SLC26A9: variants seen among roughly 807,000 people sequenced by gnomAD.
SLC26A9 encodes anion transporter/exchanger protein 9.
Under a neutral mutation model 87.1 loss-of-function variants are expected in SLC26A9, and 46 were observed. The ratio of observed to expected loss-of-function variants is 0.53; its 90% CI spans 0.42 to 0.67. The LOEUF (loss-of-function observed/expected upper bound fraction) is 0.67, where lower values mean the gene tolerates loss of function less well. SLC26A9 is among the 30% of genes least tolerant of loss of function. The pLI, the probability that SLC26A9 is intolerant of heterozygous loss-of-function variation, is 0.00. For synonymous variants in SLC26A9, 437 were observed against 409.1 expected (o/e 1.07, Z -0.82); for missense variants, 927 against 1,018.3 (o/e 0.91, Z 1.22).
chr1:205,916,627 G>A (rs1658600991), intron 20 of SLC26A9, among the ~76,000 whole-genome samples: 1 of 152,128 alleles, frequency 6.6e-6, no homozygotes, highest in South Asian at 2.1e-4. Context: ...GTGGTGGATG[G>A]GACAGGTATT....
chr1:205,935,452 C>A (rs753070803), intron 2 of SLC26A9, among the ~76,000 whole-genome samples: 18 of 152,082 alleles, frequency 1.2e-4, no homozygotes, highest in Admixed American at 2.0e-4. Flanking sequence ...TGGGAGATGC[C>A]ATGCAGGGGT....
At chr1:205,931,152 C>A (rs1327282297) in intron 5 of SLC26A9, among the ~76,000 whole-genome samples, 3 of 152,178 alleles carry the variant, frequency 2.0e-5, no homozygotes, top group African/African-American at 2.4e-5. Context: ...CCTTTGCAAC[C>A]ATTTGCAGAA....
chr1:205,917,248 T>A (rs35694044), intron 20 of SLC26A9, 35 bp downstream of exon 20: 123,510 of 1,611,964 alleles, frequency 0.077, 5,245 homozygotes, highest in Middle Eastern at 0.14. Context: ...CTCTTCGCCC[T>A]GCTCCCACCC....
At position 205,917,285 on chromosome 1, in the gene SLC26A9, G is replaced by C; in HGVS notation, c.2326C>G (p.Gln776Glu). The C allele has an allele frequency of 6.2e-7, 1 of 1,613,798 alleles. No individual in the cohort carries two copies. ...CACAGCCCCTTCCCTCAGCTCACCT[G>C]CTCTAAGTCCCAGTAGCTGCGAATG... ...EDIRSYWDLEQEMFGSMFHAE... is the reference protein window; with the variant it reads ...EDIRSYWDLEEEMFGSMFHAE... Residue 776 changes from glutamine to glutamate, a missense_variant and splice_region_variant, in exon 20 of 21, where the codon CAG (glutamine) becomes GAG (glutamate). Coordinates refer to ENST00000367135, the MANE Select transcript of SLC26A9 (RefSeq NM_052934.4).
chr1:205,932,105 C>T (rs1369537278), intron 4 of SLC26A9, 70 bp from the exon 5 acceptor site: 11 of 1,577,660 alleles, frequency 7.0e-6, no homozygotes, highest in Non-Finnish European at 9.5e-6. Context: ...GAAAGGGGCC[C>T]AGGAATGCTT....
rs1219603145 is a variant in SLC26A9 at position 205,921,843 on chromosome 1, A to G, written c.1778T>C (p.Val593Ala). 1 of 1,604,708 alleles carries G rather than the reference A, an allele frequency of 6.2e-7. No homozygotes were observed. Reference sequence around the variant, plus strand: ...GTCCTGCTGCAGCTCCTGCAGGGAGACAGTCTGGAAGGGTGGGGACAGTGG... The same window carrying G: ...GTCCTGCTGCAGCTCCTGCAGGGAGGCAGTCTGGAAGGGTGGGGACAGTGG... ...RRSLFMKTKT[V>A]SLQELQQDFE... Residue 593 changes from valine to alanine, a missense_variant, in exon 17 of 21, where the codon GTC becomes GCC. Transcript: ENST00000367135.
chr1:205,939,852 T>C (rs963593409), intron 1 of SLC26A9, among the ~76,000 whole-genome samples: 3 of 152,122 alleles, frequency 2.0e-5, no homozygotes, highest in Non-Finnish European at 4.4e-5. Flanking sequence ...TGATAAGTGA[T>C]GTCAGCATCG....
chr1:205,924,778 T>A (rs762197969), intron 12 of SLC26A9: 2 of 334,196 alleles, frequency 6.0e-6, no homozygotes, highest in Non-Finnish European at 1.1e-5. Context: ...GGGTCAGATC[T>A]GTTTGGGTTC....
chr1:205,929,897 C>G lies in SLC26A9; in HGVS notation c.712G>C (p.Val238Leu). 6.3e-7 allele frequency: 1 copy of G among 1,591,502 alleles called. No homozygotes were observed. Among genetic ancestry groups the G allele is most frequent in the South Asian group, 1.1e-5 (1 of 89,916 alleles). ...GGGTGCATCCCCAGACTCACAAAGACGATGGACCCTGGGCCTGTGTAGGAG... is the reference window on the plus strand; with the variant it reads ...GGGTGCATCCCCAGACTCACAAAGAGGATGGACCCTGGGCCTGTGTAGGAG... ...IPSYTGPGSI[V>L]FTFIDICKNL... Residue 238 changes from valine (V) to leucine (L), a missense_variant, in exon 6 of 21, where the codon GTC becomes CTC. Transcript: ENST00000367135.
rs1404550047 is a variant in SLC26A9, at chr1:205,929,300, G to A, written c.774C>T (p.Phe258=). The change falls in exon 7 of 21, where the codon TTC becomes TTT. Residue 258 remains phenylalanine (F), a synonymous_variant. Transcript: ENST00000367135. ...LPHTNIASLI[F]ALISGAFLVL... ...CCAGGAAGGCACCGCTGATGAGAGC[G>A]AAGATGAGCGAGGCGATGTTGGTGT... 7 of 1,614,120 alleles carry A rather than the reference G, an allele frequency of 4.3e-6. No homozygotes were observed. Among genetic ancestry groups the A allele is most frequent in the East Asian group, 2.2e-5 (1 of 44,896 alleles).
chr1:205,928,952 G>T, intron 7 of SLC26A9, 43 bp from the exon 8 acceptor site: 1 of 1,608,826 alleles, frequency 6.2e-7, no homozygotes, highest in East Asian at 2.2e-5. Context: ...CCCTAAGGTG[G>T]GGCCAGGGCA....
chr1:205,921,987 TC>T, intron 16 of SLC26A9, 140 bp from the exon 17 acceptor site: 2 of 1,174,006 alleles, frequency 1.7e-6, no homozygotes, highest in African/African-American at 1.5e-5. Context: ...CCCTGAAAGC[TC>T]CACCAGAGAG....
intron 12 of SLC26A9, 100 bp from the exon 13 acceptor site, chr1:205,924,589 T>G: frequency 4.4e-6 from 4 of 902,472 alleles, no homozygotes; most frequent in Non-Finnish European, 6.8e-6. Context: ...TAGTACAACC[T>G]CAGAGCCTCT....
At chr1:205,941,675 C>G (rs897985261) in intron 1 of SLC26A9, among the ~76,000 whole-genome samples, 2 of 152,184 alleles carry the variant, frequency 1.3e-5, no homozygotes, top group African/African-American at 4.8e-5. Flanking sequence ...TATCTCCAGG[C>G]GAACTCTCCC....
intron 18 of SLC26A9, among the ~76,000 whole-genome samples, chr1:205,919,363 T>C (rs990767161): frequency 6.6e-6 from 1 of 152,092 alleles, no homozygotes; most frequent in African/African-American, 2.4e-5. Flanking sequence ...GCATTGGAAG[T>C]TTGTGTGGAT....
chr1:205,928,062 C>G lies in SLC26A9; in HGVS notation c.954-13G>C. 1 of 1,612,552 alleles carries G rather than the reference C, an allele frequency of 6.2e-7. No individual in the cohort carries two copies. The highest frequency in any genetic ancestry group is 1.1e-5 in the South Asian group (1 of 90,888). ...CGGGGTGGGGAACCTGCCGAGGAGC[C>G]AGGAAGGAGGCAGAACCCAAGGGTG... On this transcript the variant is annotated splice_polypyrimidine_tract_variant and intron_variant, in intron 8 of 20. Coordinates refer to ENST00000367135, the MANE Select transcript of SLC26A9 (RefSeq NM_052934.4).
At position 205,933,901 on chromosome 1, in the gene SLC26A9, G is replaced by A. The variant is rs148922853; in HGVS notation, c.126-817C>T. On this transcript the variant is annotated intron_variant, in intron 2 of 20. Coordinates refer to ENST00000367135, the MANE Select transcript of SLC26A9 (RefSeq NM_052934.4). ...GGTCCTTTCATAGAAACTCAGGAGC[G>A]GTAGGAACAAGGGCTTACAAACTCA... 4.2e-4 allele frequency among the ~76,000 whole-genome samples: 64 copies of A among 152,234 alleles called. 1 individual carries two copies. In the South Asian group the frequency reaches 9.9e-3, roughly 24 times the overall value.
intron 1 of SLC26A9, among the ~76,000 whole-genome samples, chr1:205,943,156 T>C (rs1028596692): frequency 6.6e-6 from 1 of 152,134 alleles, no homozygotes; most frequent in Non-Finnish European, 1.5e-5. Flanking sequence ...GCAGCCCAGG[T>C]CCTTACATAG....
rs1213904560 is a variant in SLC26A9 at position 205,929,873 on chromosome 1, G to T, written c.717+19C>A. 6.4e-7 allele frequency: 1 copy of T among 1,573,180 alleles called. No individual in the cohort carries two copies. Among genetic ancestry groups the T allele is most frequent in the Admixed American group, 1.7e-5 (1 of 57,610 alleles). On this transcript the variant is annotated intron_variant, in intron 6 of 20. Transcript: ENST00000367135. ...GCTGGAGCCTTGCTCCAATGGCAGGGGTGCATCCCCAGACTCACAAAGACG... is the reference window on the plus strand; with the variant it reads ...GCTGGAGCCTTGCTCCAATGGCAGGTGTGCATCCCCAGACTCACAAAGACG...
Sources: gnomAD v4.1 joint callset for allele counts (sites outside exome capture counted in the v4.1 genomes callset) on GRCh38, gnomAD v4.1.1 for gene constraint, MANE v1.5 for transcripts, NCBI Gene and HGNC (gene_info 2026-07-23, HGNC 2026-07-21) for gene names.